Variants in EVI5 observed in about 807,000 individuals in gnomAD.
EVI5 encodes the protein ecotropic viral integration site 5 protein homolog.
Under a neutral mutation model 112.0 loss-of-function variants are expected in EVI5, and 73 were observed. The ratio of observed to expected loss-of-function variants is 0.65; its 90% CI spans 0.54 to 0.79. The LOEUF is 0.79. Ranked by LOEUF, EVI5 falls within the 30% of genes least tolerant of loss-of-function variation. The probability of loss-of-function intolerance (pLI) is 0.00; values close to 1 mark genes in which losing one functional copy is unlikely to be tolerated. For synonymous variants in EVI5, 305 were observed against 319.9 expected, an observed-to-expected ratio of 0.95 and a Z score of 0.50; for missense variants, 900 against 968.8, an observed-to-expected ratio of 0.93 and a Z score of 0.94.
chr1:92,783,371 C>A (rs377106298), intron 1 of EVI5, among the ~76,000 whole-genome samples: 68 of 136,252 alleles, frequency 5.0e-4, no homozygotes, highest in South Asian at 7.0e-4. Flanking sequence ...ACTAAAAATA[C>A]AAAAAAAAAA....
chr1:92,779,270 C>T (rs1030715728), intron 1 of EVI5, among the ~76,000 whole-genome samples: 1 of 152,170 alleles, frequency 6.6e-6, no homozygotes, highest in Non-Finnish European at 1.5e-5. Flanking sequence ...CAGCTGTAGT[C>T]CTAGCACTTT....
intron 13 of EVI5, among the ~76,000 whole-genome samples, chr1:92,651,084 T>C (rs1662000929): frequency 6.6e-6 from 1 of 152,240 alleles, no homozygotes; most frequent in African/African-American, 2.4e-5. Flanking sequence ...CTGTTTAATG[T>C]GTCTCCCCAA....
intron 19 of EVI5, among the ~76,000 whole-genome samples, chr1:92,563,294 A>T (rs1668919901): frequency 6.6e-6 from 1 of 152,202 alleles, no homozygotes. Flanking sequence ...AATACCACAA[A>T]TCTATTCTAT....
intron 5 of EVI5, 29 bp from the exon 6 acceptor site, chr1:92,698,014 G>T: frequency 6.3e-7 from 1 of 1,592,758 alleles, no homozygotes. Context: ...AAACAACATA[G>T]GTTAATGTTC....
At chr1:92,647,539 A>G (rs1661206072) in intron 13 of EVI5, 2 of 530,146 alleles carry the variant, frequency 3.8e-6, no homozygotes, top group Non-Finnish European at 3.5e-6. Context: ...TGCAAAATTG[A>G]CAGAGACCTC....
At chr1:92,591,895 G>T (rs1177079) in intron 18 of EVI5, among the ~76,000 whole-genome samples, 1 of 152,180 alleles carries the variant, frequency 6.6e-6, no homozygotes, top group Non-Finnish European at 1.5e-5. Context: ...ACAACAGAAA[G>T]TATAACAAAC....
intron 19 of EVI5, among the ~76,000 whole-genome samples, chr1:92,529,178 C>T (rs139983912): frequency 5.8e-4 from 89 of 152,204 alleles, no homozygotes; most frequent in African/African-American, 2.1e-3. Context: ...TTCATATAGA[C>T]CCATAAGAGA....
Position 92,744,653 on chromosome 1 carries a change from G to A in EVI5, c.-81-8026C>T, listed in dbSNP as rs571155234. Among the ~76,000 whole-genome samples, 12 of 150,510 alleles carry A rather than the reference G, an allele frequency of 8.0e-5. No individual in the cohort carries two copies. The South Asian group carries it at 1.5e-3, about 18-fold the overall frequency. On this transcript the variant is annotated intron_variant, in intron 1 of 19. Coordinates refer to ENST00000684568, the MANE Select transcript of EVI5 (RefSeq NM_001350197.2). ...ACACACACACACACACACAGAGGACGGCAGACTTGAAGACAATCTGGTGGT... is the reference window on the plus strand; with the variant it reads ...ACACACACACACACACACAGAGGACAGCAGACTTGAAGACAATCTGGTGGT...
At chr1:92,607,292 A>G (rs1650638667) in intron 17 of EVI5, among the ~76,000 whole-genome samples, 1 of 152,180 alleles carries the variant, frequency 6.6e-6, no homozygotes, top group African/African-American at 2.4e-5. Flanking sequence ...TCTGGTTTTA[A>G]AGGGTTACCA....
chr1:92,708,143 T>TA (rs1398278180), intron 2 of EVI5, among the ~76,000 whole-genome samples: 3 of 151,826 alleles, frequency 2.0e-5, no homozygotes, highest in African/African-American at 7.3e-5. Flanking sequence ...AAAAAACAGA[T>TA]ACACTGGAAT....
rs112250561 is a variant in EVI5, at chr1:92,604,186, CTAAA to C, written c.2070+1117_2070+1120del. On this transcript the variant is annotated intron_variant, in intron 18 of 19. Transcript: ENST00000684568. ...CCAGCAAAGGGAGACCTCATTGCTA[CTAAA>C]TAAATAAATAAATAAATAAATAAGC... is the stretch of plus-strand genomic sequence containing the variant. Among the ~76,000 whole-genome samples, 854 of 149,082 alleles carry C rather than the reference CTAAA, an allele frequency of 5.7e-3. 6 individuals carry two copies. Among genetic ancestry groups the C allele is most frequent in the African/African-American group, 0.02 (805 of 40,770 alleles).
intron 13 of EVI5, among the ~76,000 whole-genome samples, chr1:92,659,389 G>T (rs560159049): frequency 6.6e-6 from 1 of 151,652 alleles, no homozygotes; most frequent in Admixed American, 6.6e-5. Context: ...TACAAGGAAC[G>T]CAAACAACTC....
chr1:92,549,952 G>A (rs1666503990), intron 19 of EVI5, among the ~76,000 whole-genome samples: 1 of 152,164 alleles, frequency 6.6e-6, no homozygotes, highest in South Asian at 2.1e-4. Context: ...GATTACTCAA[G>A]GATCTAGAAC....
chr1:92,736,261 C>T (rs1370024655), intron 2 of EVI5, 137 bp downstream of exon 2: 7 of 611,016 alleles, frequency 1.1e-5, no homozygotes, highest in East Asian at 2.8e-5. Context: ...AATCTCCCCC[C>T]AAAAAAGATG....
intron 1 of EVI5, among the ~76,000 whole-genome samples, chr1:92,747,527 A>G (rs1679459003): frequency 6.6e-6 from 1 of 152,002 alleles, no homozygotes; most frequent in South Asian, 2.1e-4. Flanking sequence ...TAGCCTGGCC[A>G]ATATGACAAA....
At chr1:92,590,657 G>A (rs1038343842) in intron 18 of EVI5, among the ~76,000 whole-genome samples, 7 of 152,172 alleles carry the variant, frequency 4.6e-5, no homozygotes, top group African/African-American at 7.2e-5. Flanking sequence ...TGAAAGTGAC[G>A]GGGAGAATGG....
At chr1:92,746,450 G>A (rs1377399877) in intron 1 of EVI5, among the ~76,000 whole-genome samples, 1 of 152,166 alleles carries the variant, frequency 6.6e-6, no homozygotes, top group Non-Finnish European at 1.5e-5. Flanking sequence ...TACTGGCTGG[G>A]CACAGTGGCT....
intron 18 of EVI5, among the ~76,000 whole-genome samples, chr1:92,571,978 G>A (rs1184846527): frequency 1.3e-5 from 2 of 152,156 alleles, no homozygotes; most frequent in East Asian, 1.9e-4. Context: ...AAATACATAC[G>A]TTTTGTCATA....
rs1023476553 is a variant in EVI5 at position 92,667,670 on chromosome 1, C to A, written c.1159-1678G>T. Among the ~76,000 whole-genome samples the A allele has an allele frequency of 2.6e-5, 4 of 152,328 alleles. No individual in the cohort carries two copies. The East Asian group carries it at 7.7e-4, about 29-fold the overall frequency. ...CCACTCTGTCGCCCAGGCTGGAATGCAGTGGTGCGATCTCAGCTCATTGCA... is the reference window on the plus strand; with the variant it reads ...CCACTCTGTCGCCCAGGCTGGAATGAAGTGGTGCGATCTCAGCTCATTGCA... On this transcript the variant is annotated intron_variant, in intron 10 of 19. Coordinates refer to ENST00000684568, the MANE Select transcript of EVI5 (RefSeq NM_001350197.2).
Sources: gnomAD v4.1 joint callset for allele counts (sites outside exome capture counted in the v4.1 genomes callset) on GRCh38, gnomAD v4.1.1 for gene constraint, MANE v1.5 for transcripts, NCBI Gene and HGNC (gene_info 2026-07-23, HGNC 2026-07-21) for gene names.